The following ADAMTSL1 variants were observed in gnomAD, a reference collection of about 807,000 sequenced individuals.
The protein encoded by ADAMTSL1 is ADAMTS like 1, also known as ADAMTS-like protein 1.
Under a neutral mutation model 201.8 loss-of-function variants are expected in ADAMTSL1, and 126 were observed. The ratio of observed to expected loss-of-function variants is 0.62; its 90% confidence interval spans 0.54 to 0.72. ADAMTSL1 has a LOEUF of 0.72. ADAMTSL1 is among the 30% of genes least tolerant of loss of function. The pLI is 0.00. For missense variants in ADAMTSL1, 2,679 were observed against 2,277.8 expected (o/e 1.18, Z -3.59); for synonymous variants, 1,121 against 903.4 (o/e 1.24, Z -4.32).
intron 3 of ADAMTSL1, among the ~76,000 whole-genome samples, chr9:18,541,428 T>A (rs1820137641): frequency 6.6e-6 from 1 of 150,948 alleles, no homozygotes; most frequent in South Asian, 2.1e-4. Context: ...GAGAATCGCG[T>A]GAAACCAGGA....
intron 3 of ADAMTSL1, among the ~76,000 whole-genome samples, chr9:18,544,979 C>G (rs1030064159): frequency 1.3e-4 from 20 of 152,128 alleles, no homozygotes; most frequent in Non-Finnish European, 2.6e-4. Flanking sequence ...TATGAGTCCC[C>G]TCTCCTGGCT....
At chr9:18,646,786 T>G (rs1335899086) in intron 7 of ADAMTSL1, among the ~76,000 whole-genome samples, 1 of 152,126 alleles carries the variant, frequency 6.6e-6, no homozygotes, top group Non-Finnish European at 1.5e-5. Flanking sequence ...CTGGATTCGG[T>G]TTGCCAGTAT....
intron 4 of ADAMTSL1, among the ~76,000 whole-genome samples, chr9:18,602,505 A>C (rs376093103): frequency 1.3e-5 from 2 of 152,166 alleles, no homozygotes; most frequent in African/African-American, 4.8e-5. Flanking sequence ...CAAGCCCCAG[A>C]CTGGGCTTCT....
At chr9:18,403,431 G>T (rs1440960312) in intron 2 of ADAMTSL1, among the ~76,000 whole-genome samples, 2 of 152,204 alleles carry the variant, frequency 1.3e-5, no homozygotes, top group East Asian at 3.9e-4. Context: ...TGATCTGCCT[G>T]TCTCAGCCTC....
intron 2 of ADAMTSL1, among the ~76,000 whole-genome samples, chr9:18,206,053 C>CAAAAAAAA (rs71333031): frequency 1.1e-4 from 6 of 54,352 alleles, no homozygotes; most frequent in Non-Finnish European, 1.5e-4. Flanking sequence ...GACTCCATCT[C>CAAAAAAAA]AAAAAAAAAA....
intron 2 of ADAMTSL1, among the ~76,000 whole-genome samples, chr9:18,329,694 G>C (rs774604556): frequency 2.0e-4 from 30 of 152,160 alleles, no homozygotes; most frequent in Non-Finnish European, 4.1e-4. Flanking sequence ...TATCCCAAGT[G>C]CTGCGGCCAA....
chr9:18,706,829 CT>C lies in ADAMTSL1; in HGVS notation c.1658del (p.Leu553ArgfsTer80), dbSNP rs765158095. On this transcript the variant is annotated frameshift_variant, in exon 14 of 29. Transcript: ENST00000380548. LOFTEE classifies it high-confidence loss of function. Reference protein sequence around the residue: ...QVRIVRCQVLLSFSQSVADLP... With the variant: ...QVRIVRCQVLXSFSQSVADLP... ...GCGAATAGTCAGGTGCCAGGTGCTC[CT>C]GTCTTTCTCTCAGTCCGTGGCTGAC... is the stretch of plus-strand genomic sequence containing the variant. 6.2e-7 allele frequency: 1 copy of C among 1,611,834 alleles called. No homozygotes were observed. Among genetic ancestry groups the C allele is most frequent in the South Asian group, 1.1e-5 (1 of 90,624 alleles).
intron 2 of ADAMTSL1, among the ~76,000 whole-genome samples, chr9:18,351,419 G>A (rs1835958474): frequency 6.6e-6 from 1 of 151,848 alleles, no homozygotes; most frequent in Non-Finnish European, 1.5e-5. Context: ...GACCAGATGA[G>A]GAACACATAA....
At chr9:17,966,754 C>A (rs1817994063) in intron 1 of ADAMTSL1, among the ~76,000 whole-genome samples, 1 of 152,034 alleles carries the variant, frequency 6.6e-6, no homozygotes, top group Non-Finnish European at 1.5e-5. Flanking sequence ...TAGTCTAATT[C>A]TAGCATTTCT....
chr9:18,495,294 C>T (rs991376399), intron 1 of ADAMTSL1, among the ~76,000 whole-genome samples: 7 of 152,122 alleles, frequency 4.6e-5, no homozygotes, highest in South Asian at 2.1e-4. Flanking sequence ...GTGAAAGCAA[C>T]GCGTCCCTCA....
intron 1 of ADAMTSL1, among the ~76,000 whole-genome samples, chr9:17,975,025 A>C (rs1588506232): frequency 6.6e-6 from 1 of 152,114 alleles, no homozygotes; most frequent in South Asian, 2.1e-4. Flanking sequence ...CCTCCCCAAA[A>C]GTTAACCTTC....
At chr9:18,049,565 T>A (rs778680585) in intron 1 of ADAMTSL1, among the ~76,000 whole-genome samples, 8 of 151,954 alleles carry the variant, frequency 5.3e-5, no homozygotes, top group Non-Finnish European at 1.0e-4. Context: ...CAGAGCCCAG[T>A]GGTAGAGTCC....
intron 1 of ADAMTSL1, among the ~76,000 whole-genome samples, chr9:17,992,546 G>T (rs557236996): frequency 7.6e-4 from 115 of 152,218 alleles, no homozygotes; most frequent in Admixed American, 1.6e-3. Flanking sequence ...GGAGACTGAG[G>T]TCGGGGGATC....
rs369683389 is a variant in ADAMTSL1, at chr9:18,287,499, T to C, written c.207+123518T>C. On this transcript the variant is annotated intron_variant, in intron 2 of 29. Transcript: ENST00000680146. Reference sequence around the variant, plus strand: ...TGTTCAGATATGTAATGCATGTATTTATATGTGCACATATGTAATATATTT... The same window carrying C: ...TGTTCAGATATGTAATGCATGTATTCATATGTGCACATATGTAATATATTT... Among the ~76,000 whole-genome samples, 128 of 151,760 alleles carry C rather than the reference T, an allele frequency of 8.4e-4. No individual in the cohort carries two copies. In the South Asian group the frequency reaches 0.021, roughly 25 times the overall value.
In ADAMTSL1 at chr9:18,798,243, T is replaced by C. The variant is rs1252953679; in HGVS notation, c.3805+2719T>C. ...ATGATTCACAAAAGCAGGCATAGCATGGCAGTTAAAATCATGGGCTCTGGA... is the reference window on the plus strand; with the variant it reads ...ATGATTCACAAAAGCAGGCATAGCACGGCAGTTAAAATCATGGGCTCTGGA... On this transcript the variant is annotated intron_variant, in intron 20 of 28. Transcript: ENST00000380548. Among the ~76,000 whole-genome samples the C allele has an allele frequency of 2.0e-5, 3 of 152,142 alleles. No individual in the cohort carries two copies. In the East Asian group the frequency reaches 5.8e-4, roughly 29 times the overall value.
Position 18,888,749 on chromosome 9 carries a change from G to T in ADAMTSL1, c.4462+706G>T, listed in dbSNP as rs189100961. Among the ~76,000 whole-genome samples the T allele has an allele frequency of 1.9e-3, 289 of 152,276 alleles. 6 individuals are homozygous for T. Among genetic ancestry groups the T allele is most frequent in the Non-Finnish European group, 1.1e-3 (74 of 68,028 alleles). ...TGATGTATTCCAAAATGAAGGATGTGATGGGAAGGGACAGAGTTTTGTGCC... is the reference window on the plus strand; with the variant it reads ...TGATGTATTCCAAAATGAAGGATGTTATGGGAAGGGACAGAGTTTTGTGCC... On this transcript the variant is annotated intron_variant, in intron 24 of 28. Transcript: ENST00000380548.
chr9:18,908,385 GTC>G (rs753453664), intron 28 of ADAMTSL1, 55 bp from the exon 29 acceptor site: 25 of 1,434,894 alleles, frequency 1.7e-5, no homozygotes, highest in South Asian at 1.1e-4. Flanking sequence ...GCGTTCATTA[GTC>G]TCTGTTTCAC....
intron 1 of ADAMTSL1, among the ~76,000 whole-genome samples, chr9:18,124,804 C>T (rs948563098): frequency 1.3e-5 from 2 of 152,126 alleles, no homozygotes; most frequent in Non-Finnish European, 2.9e-5. Context: ...TCAAATATTT[C>T]CTCTTATTTC....
intron 2 of ADAMTSL1, among the ~76,000 whole-genome samples, chr9:18,325,600 G>T (rs1014321913): frequency 6.6e-6 from 1 of 152,204 alleles, no homozygotes; most frequent in Non-Finnish European, 1.5e-5. Flanking sequence ...ATTTCTCACA[G>T]TTCTGGAGGC....
Sources: gnomAD v4.1 joint callset for allele counts (sites outside exome capture counted in the v4.1 genomes callset) on GRCh38, gnomAD v4.1.1 for gene constraint, MANE v1.5 for transcripts, NCBI Gene and HGNC (gene_info 2026-07-23, HGNC 2026-07-21) for gene names.